Variants in ARID1B observed in about 807,000 individuals in gnomAD.
ARID1B encodes AT-rich interaction domain 1B, also known as AT-rich interactive domain-containing protein 1B.
Under a neutral mutation model 212.3 loss-of-function variants are expected in ARID1B, and 30 were observed. That is an observed-to-expected ratio of 0.14 (90% CI 0.11 to 0.19). ARID1B has a LOEUF of 0.19. ARID1B is among the 10% of genes least tolerant of loss of function. The pLI is 1.00. For missense variants in ARID1B, 2,891 were observed against 3,204.0 expected (o/e 0.90, Z 2.36); for synonymous variants, 1,402 against 1,301.7 (o/e 1.08, Z -1.66).
intron 3 of ARID1B, among the ~76,000 whole-genome samples, chr6:156,932,145 A>C (rs13209344): frequency 4.9e-5 from 3 of 61,348 alleles, no homozygotes; most frequent in African/African-American, 6.4e-5. Flanking sequence ...AAAAAAAAAA[A>C]GGGGGGGGGC....
rs1780995408 is a variant in ARID1B, at chr6:157,031,166, A to G, written c.2248-53496A>G. On this transcript the variant is annotated intron_variant, in intron 4 of 19. Transcript: ENST00000636930. ...CGGAACAACTTCTTTGTTTGATAAA[A>G]TTAAAACTTTGCAACCCATATGCTT... Among the ~76,000 whole-genome samples the G allele has an allele frequency of 2.6e-5, 4 of 152,324 alleles. 1 individual carries two copies. In the South Asian group the frequency reaches 8.3e-4, roughly 32 times the overall value.
At chr6:157,055,360 C>T (rs1016124161) in intron 4 of ARID1B, among the ~76,000 whole-genome samples, 1 of 151,992 alleles carries the variant, frequency 6.6e-6, no homozygotes, top group Non-Finnish European at 1.5e-5. Flanking sequence ...CTGTCTTTGT[C>T]GTTTAAATTC....
chr6:156,948,364 C>T (rs965477166), intron 4 of ARID1B, among the ~76,000 whole-genome samples: 97 of 152,220 alleles, frequency 6.4e-4, no homozygotes, highest in African/African-American at 2.1e-3. Flanking sequence ...AGGCGTGTGC[C>T]ACCACGCCTG....
chr6:156,848,739 G>T (rs960146366), intron 2 of ARID1B, among the ~76,000 whole-genome samples: 10 of 152,212 alleles, frequency 6.6e-5, no homozygotes, highest in African/African-American at 2.4e-4. Context: ...GCCTTGTCTG[G>T]CCTGGGAATG....
chr6:156,873,440 A>G (rs1786303300), intron 2 of ARID1B, among the ~76,000 whole-genome samples: 1 of 152,236 alleles, frequency 6.6e-6, no homozygotes, highest in Non-Finnish European at 1.5e-5. Flanking sequence ...AACTTAAAGC[A>G]TATTTAGTCA....
chr6:156,781,166 A>G (rs1779238125), intron 1 of ARID1B, among the ~76,000 whole-genome samples: 1 of 152,204 alleles, frequency 6.6e-6, no homozygotes, highest in South Asian at 2.1e-4. Context: ...TGAGGAAACC[A>G]CATATTTGTG....
intron 5 of ARID1B, among the ~76,000 whole-genome samples, chr6:157,087,827 C>G (rs1205711063): frequency 6.6e-6 from 1 of 151,936 alleles, no homozygotes; most frequent in Admixed American, 6.6e-5. Flanking sequence ...GTCCACGTTC[C>G]TCTTGGAGTT....
intron 2 of ARID1B, among the ~76,000 whole-genome samples, chr6:156,852,345 G>A (rs780068871): frequency 2.0e-5 from 3 of 151,962 alleles, no homozygotes; most frequent in Non-Finnish European, 2.9e-5. Flanking sequence ...AAGCTTGAGC[G>A]GTTGAAGTGG....
chr6:156,868,740 G>A (rs1035911514), intron 2 of ARID1B, among the ~76,000 whole-genome samples: 1 of 152,226 alleles, frequency 6.6e-6, no homozygotes, highest in African/African-American at 2.4e-5. Context: ...GGACACAAAT[G>A]TTCAGACCAT....
chr6:157,201,033 G>T lies in ARID1B; in HGVS notation c.4808G>T (p.Gly1603Val). ...DMPYPYQNRQ[G>V]PGGPTQAPPY... ...CCTTATCCCTACCAGAACAGGCAGGGCCCTGGCGGCCCTACACAGGCGCCC... is the reference window on the plus strand; with the variant it reads ...CCTTATCCCTACCAGAACAGGCAGGTCCCTGGCGGCCCTACACAGGCGCCC... The change falls in exon 18 of 20, where the codon GGC (glycine) becomes GTC (valine). Residue 1603 changes from glycine to valine, a missense_variant. This residue lies in a region of ARID1B where 666 missense variants were observed against 873.5 expected (regional missense o/e 0.76). Coordinates refer to ENST00000636930, the MANE Select transcript of ARID1B (RefSeq NM_001374828.1). This position sits in a 1 kb window ranked among gnomAD's most constrained non-coding sequence, Gnocchi z 5.2. 1 of 1,613,868 alleles carries T rather than the reference G, an allele frequency of 6.2e-7. No individual in the cohort carries two copies. The highest frequency in any genetic ancestry group is 8.5e-7 in the Non-Finnish European group (1 of 1,179,800).
At chr6:156,984,503 G>C (rs1358053260) in intron 4 of ARID1B, among the ~76,000 whole-genome samples, 2 of 152,142 alleles carry the variant, frequency 1.3e-5, no homozygotes, top group Non-Finnish European at 2.9e-5. Flanking sequence ...AGTGAAATGT[G>C]AAGGGTTCAT....
chr6:156,988,995 A>T (rs1778106934), intron 4 of ARID1B, among the ~76,000 whole-genome samples: 1 of 152,180 alleles, frequency 6.6e-6, no homozygotes, highest in Non-Finnish European at 1.5e-5. Flanking sequence ...TGGCCACATT[A>T]AGGCCATGTT....
chr6:156,821,514 T>C (rs972699852), intron 1 of ARID1B, among the ~76,000 whole-genome samples: 1 of 152,196 alleles, frequency 6.6e-6, no homozygotes, highest in East Asian at 1.9e-4. Context: ...AGGAAGAAAT[T>C]CATAACATTC....
intron 4 of ARID1B, among the ~76,000 whole-genome samples, chr6:157,052,929 A>G (rs1782702257): frequency 6.6e-6 from 1 of 151,950 alleles, no homozygotes; most frequent in Non-Finnish European, 1.5e-5. Flanking sequence ...CATGTTGGCC[A>G]GTATTGTCTC....
intron 2 of ARID1B, among the ~76,000 whole-genome samples, chr6:156,881,053 CTGACAG>C (rs1233048291): frequency 6.6e-6 from 1 of 152,178 alleles, no homozygotes; most frequent in Non-Finnish European, 1.5e-5. Flanking sequence ...TTAAAATGCA[CTGACAG>C]TGACAGCGTG....
At chr6:156,958,976 T>C (rs1794167080) in intron 4 of ARID1B, among the ~76,000 whole-genome samples, 1 of 152,260 alleles carries the variant, frequency 6.6e-6, no homozygotes, top group Admixed American at 6.5e-5. Context: ...ACTACTCATA[T>C]GTGCCTCAAC....
At chr6:156,992,357 G>A (rs1291875427) in intron 4 of ARID1B, among the ~76,000 whole-genome samples, 1 of 152,096 alleles carries the variant, frequency 6.6e-6, no homozygotes, top group Non-Finnish European at 1.5e-5. Context: ...ACATGTAACT[G>A]TTATATGTTA....
chr6:156,953,090 CTTATTATTA>C (rs752249955), intron 4 of ARID1B, among the ~76,000 whole-genome samples: 1 of 152,326 alleles, frequency 6.6e-6, no homozygotes, highest in Non-Finnish European at 1.5e-5. Context: ...GCTTTATGCA[CTTATTATTA>C]TTTTTTTAAG....
intron 10 of ARID1B, chr6:157,174,415 G>A (rs974424110): frequency 3.4e-5 from 9 of 262,468 alleles, no homozygotes; most frequent in Non-Finnish European, 6.5e-5. Flanking sequence ...GCCTGGTTTC[G>A]GTACTTGCAG....
Sources: allele counts gnomAD v4.1 joint callset (sites outside exome capture counted in the v4.1 genomes callset), GRCh38; gene constraint gnomAD v4.1.1; regional missense constraint gnomAD v4.1.1; non-coding constraint Gnocchi (gnomAD v3.1); transcripts MANE v1.5; gene names NCBI Gene and HGNC (gene_info 2026-07-23, HGNC 2026-07-21).